TPM4: variants seen among roughly 807,000 people sequenced by gnomAD.
TPM4 encodes the protein tropomyosin alpha-4 chain.
A neutral mutation model predicts 35.8 loss-of-function variants in TPM4; 17 were observed. The ratio of observed to expected loss-of-function variants is 0.47; its 90% confidence interval spans 0.32 to 0.71. The LOEUF is 0.71. Ranked by LOEUF, TPM4 falls within the 30% of genes least tolerant of loss-of-function variation. TPM4 has a pLI of 0.03. For missense variants in TPM4, 240 were observed against 320.9 expected (o/e 0.75, Z 1.93); for synonymous variants, 120 against 122.9 (o/e 0.98, Z 0.15).
intron 7 of TPM4, 43 bp from the exon 8 acceptor site, chr19:16,101,221 C>T (rs568340184): frequency 3.0e-5 from 42 of 1,400,020 alleles, no homozygotes; most frequent in Non-Finnish European, 3.7e-5. Context: ...TTAACAAAGA[C>T]GCTTATTAAT....
intron 1 of TPM4, chr19:16,080,941 C>CA (rs1450542152): frequency 2.0e-5 from 8 of 398,190 alleles, no homozygotes; most frequent in Admixed American, 4.4e-5. Flanking sequence ...AAGCCAATAA[C>CA]ACTATTGGGG....
intron 7 of TPM4, among the ~76,000 whole-genome samples, chr19:16,097,411 A>C (rs1012275668): frequency 6.6e-6 from 1 of 151,984 alleles, no homozygotes; most frequent in Non-Finnish European, 1.5e-5. Flanking sequence ...AGTAGCTGGG[A>C]CTACAGGCAT....
At chr19:16,074,758 G>A (rs753102704), upstream of TPM4, 2 of 152,254 alleles carry the variant, frequency 1.3e-5, no homozygotes, top group Non-Finnish European at 2.9e-5. Flanking sequence ...TGCCCACCCT[G>A]GGAGCAGGAA....
At chr19:16,076,431 G>C, upstream of TPM4, 1 of 1,350,224 alleles carries the variant, frequency 7.4e-7, no homozygotes, top group Non-Finnish European at 9.4e-7. Flanking sequence ...AGCCGGCCCG[G>C]GGGGCGGGGA....
rs745495976 is a variant in TPM4 at position 16,093,519 on chromosome 19, T to G, written c.532-17T>G. 1.9e-6 allele frequency: 3 copies of G among 1,613,748 alleles called. No homozygotes were observed. In the African/African-American group the frequency reaches 4.0e-5, roughly 22 times the overall value. On this transcript the variant is annotated splice_polypyrimidine_tract_variant and intron_variant, in intron 5 of 7. Transcript: ENST00000643579. The stretch of plus-strand genomic sequence containing the variant: ...GGGCCTCCTTTTCTTAAAGCAGTGT[T>G]TTGGTTTCTCCCACAGTATTCTGAA...
At chr19:16,076,229 G>C (rs1012862835), upstream of TPM4, 2 of 1,547,474 alleles carry the variant, frequency 1.3e-6, no homozygotes, top group East Asian at 2.4e-5. Flanking sequence ...CCCCGGGGCC[G>C]GGAAGGCGGG....
intron 7 of TPM4, among the ~76,000 whole-genome samples, chr19:16,096,996 CG>C (rs1477936253): frequency 1.7e-5 from 2 of 119,822 alleles, no homozygotes; most frequent in East Asian, 5.0e-4. Flanking sequence ...CTCTGTTGCC[CG>C]GGCTGGAGTG....
intron 5 of TPM4, 61 bp downstream of exon 5, chr19:16,089,181 G>T (rs1029083075): frequency 3.7e-6 from 6 of 1,604,332 alleles, no homozygotes; most frequent in Non-Finnish European, 3.4e-6. Context: ...CTTCTCCCGA[G>T]GGATGCAGGA....
At chr19:16,073,229 T>G (rs1196105191), upstream of TPM4, among the ~76,000 whole-genome samples, 1 of 151,764 alleles carries the variant, frequency 6.6e-6, no homozygotes. Flanking sequence ...CTTCATACCC[T>G]GATGAGTCCA....
At chr19:16,083,757 C>CTTTTTT (rs573965261) in intron 2 of TPM4, among the ~76,000 whole-genome samples, 51 of 120,616 alleles carry the variant, frequency 4.2e-4, no homozygotes, top group African/African-American at 1.3e-3. Context: ...AGATTCATTT[C>CTTTTTT]TTTTTTTTTT....
At chr19:16,101,003 C>G in intron 7 of TPM4, 1 of 297,974 alleles carries the variant, frequency 3.4e-6, no homozygotes, top group South Asian at 3.4e-5. Flanking sequence ...AACCCCATCT[C>G]TACTAAAAAT....
intron 4 of TPM4, chr19:16,088,706 C>T: frequency 9.3e-7 from 1 of 1,073,774 alleles, no homozygotes. Context: ...CCGCCTTCTG[C>T]CCTCAGTCCC....
At chr19:16,078,527 C>T (rs1056662343) in intron 1 of TPM4, among the ~76,000 whole-genome samples, 4 of 152,192 alleles carry the variant, frequency 2.6e-5, no homozygotes, top group African/African-American at 7.2e-5. Flanking sequence ...CTTAGAAACC[C>T]GGTGTAAGCC....
chr19:16,101,068 G>A, intron 7 of TPM4, 196 bp from the exon 8 acceptor site: 2 of 418,634 alleles, frequency 4.8e-6, no homozygotes, highest in Non-Finnish European at 8.9e-6. Flanking sequence ...CTACTCGGGA[G>A]GCTGAGGCAG....
intron 7 of TPM4, chr19:16,095,301 C>A: frequency 9.7e-7 from 1 of 1,035,992 alleles, no homozygotes; most frequent in Non-Finnish European, 1.2e-6. Context: ...ACAAAGCTAT[C>A]AGCGAGGAAC....
chr19:16,092,410 T>C (rs556588672), intron 5 of TPM4, among the ~76,000 whole-genome samples: 1 of 152,110 alleles, frequency 6.6e-6, no homozygotes, highest in Non-Finnish European at 1.5e-5. Context: ...CCATACTTTT[T>C]ATCTCAAGTT....
chr19:16,088,874 A>G, intron 4 of TPM4, 171 bp from the exon 5 acceptor site: 1 of 1,428,170 alleles, frequency 7.0e-7, no homozygotes, highest in Non-Finnish European at 9.2e-7. Context: ...TGATAAGCCC[A>G]TAGTATCACA....
At chr19:16,074,022 C>CA (rs1240137851), upstream of TPM4, among the ~76,000 whole-genome samples, 251 of 105,312 alleles carry the variant, frequency 2.4e-3, 1 homozygote, top group African/African-American at 6.6e-3. Flanking sequence ...AAAAAAAAGG[C>CA]AAAAAAAAAA....
intron 2 of TPM4, among the ~76,000 whole-genome samples, chr19:16,071,284 C>T (rs972966970): frequency 6.6e-6 from 1 of 152,202 alleles, no homozygotes; most frequent in African/African-American, 2.4e-5. Context: ...CAGCCTCAAA[C>T]TCCTAGGGCT....
Sources: allele counts gnomAD v4.1 joint callset (sites outside exome capture counted in the v4.1 genomes callset), GRCh38; gene constraint gnomAD v4.1.1; transcripts MANE v1.5; gene names NCBI Gene and HGNC (gene_info 2026-07-23, HGNC 2026-07-21).